Variants in CBFB observed in about 807,000 individuals in gnomAD.
The protein encoded by CBFB is CBF-beta.
In CBFB, 9 loss-of-function variants were observed where a neutral mutation model predicts 30.4. That is an observed-to-expected ratio of 0.30 (90% CI 0.18 to 0.52). The LOEUF (loss-of-function observed/expected upper bound fraction) is 0.52. Ranked by LOEUF, CBFB falls within the 20% of genes least tolerant of loss-of-function variation. The pLI is 0.97. For missense variants in CBFB, 170 were observed against 244.0 expected (o/e 0.70, Z 2.02); for synonymous variants, 94 against 84.0 (o/e 1.12, Z -0.65).
At chr16:67,062,083 A>G (rs1486351354) in intron 3 of CBFB, among the ~76,000 whole-genome samples, 4 of 152,262 alleles carry the variant, frequency 2.6e-5, no homozygotes, top group Non-Finnish European at 4.4e-5. Context: ...AAATTTCCCA[A>G]AACAGATCAT....
chr16:67,072,976 G>T (rs1028299116), intron 4 of CBFB, among the ~76,000 whole-genome samples: 2 of 152,028 alleles, frequency 1.3e-5, no homozygotes, highest in Non-Finnish European at 2.9e-5. Flanking sequence ...GCCTCCCAAA[G>T]CACTAGGATT....
intron 4 of CBFB, 44 bp downstream of exon 4, chr16:67,066,842 C>A: frequency 9.0e-7 from 1 of 1,113,246 alleles, no homozygotes; most frequent in Non-Finnish European, 1.4e-6. Flanking sequence ...CCTTTAGTCC[C>A]TAATCTTGCC....
chr16:67,062,936 A>G (rs1178457398), intron 3 of CBFB, among the ~76,000 whole-genome samples: 7 of 152,190 alleles, frequency 4.6e-5, no homozygotes, highest in African/African-American at 7.2e-5. Context: ...AGATGTCTCC[A>G]TGATTAGAAT....
At chr16:67,050,642 A>C (rs1966724961) in intron 3 of CBFB, among the ~76,000 whole-genome samples, 1 of 151,994 alleles carries the variant, frequency 6.6e-6, no homozygotes, top group East Asian at 1.9e-4. Flanking sequence ...AAAGTTTAAA[A>C]ATTAGCCGGG....
At chr16:67,031,842 G>A (rs1295076327) in intron 2 of CBFB, among the ~76,000 whole-genome samples, 3 of 151,474 alleles carry the variant, frequency 2.0e-5, no homozygotes, top group Non-Finnish European at 2.9e-5. Context: ...TAAGAGAGAG[G>A]TCTTGCTGTG....
chr16:67,041,535 G>A (rs1370746311), intron 3 of CBFB, among the ~76,000 whole-genome samples: 1 of 152,130 alleles, frequency 6.6e-6, no homozygotes, highest in African/African-American at 2.4e-5. Flanking sequence ...CCGGGAAGGG[G>A]AGGTTGCAGT....
intron 5 of CBFB, among the ~76,000 whole-genome samples, chr16:67,096,785 T>C (rs1000107266): frequency 2.0e-5 from 3 of 151,558 alleles, no homozygotes; most frequent in Non-Finnish European, 4.4e-5. Context: ...CCATCCTGGC[T>C]AACACAAAGA....
At chr16:67,071,316 C>A (rs1311304946) in intron 4 of CBFB, among the ~76,000 whole-genome samples, 1 of 152,116 alleles carries the variant, frequency 6.6e-6, no homozygotes. Flanking sequence ...TGTTACTGTA[C>A]TTGAAGATAG....
chr16:67,057,299 A>G (rs898873390), intron 3 of CBFB, among the ~76,000 whole-genome samples: 4 of 152,198 alleles, frequency 2.6e-5, no homozygotes, highest in African/African-American at 4.8e-5. Flanking sequence ...AGGCTTTTTA[A>G]AGGTCAGTGT....
At chr16:67,079,162 A>G (rs1002070415) in intron 4 of CBFB, among the ~76,000 whole-genome samples, 1 of 152,236 alleles carries the variant, frequency 6.6e-6, no homozygotes, top group Non-Finnish European at 1.5e-5. Flanking sequence ...AATAGCATTT[A>G]TTGAATGCTG....
intron 3 of CBFB, among the ~76,000 whole-genome samples, chr16:67,051,233 A>G (rs901521093): frequency 7.9e-5 from 12 of 152,228 alleles, no homozygotes; most frequent in African/African-American, 2.9e-4. Context: ...ACATAGGTAT[A>G]GTAGGACTGA....
At chr16:67,054,241 C>T (rs986839785) in intron 3 of CBFB, among the ~76,000 whole-genome samples, 5 of 151,842 alleles carry the variant, frequency 3.3e-5, no homozygotes, top group African/African-American at 7.3e-5. Context: ...CTTTATTCTA[C>T]GATACTTTAT....
At chr16:67,048,620 A>G (rs1164693226) in intron 3 of CBFB, among the ~76,000 whole-genome samples, 2 of 151,938 alleles carry the variant, frequency 1.3e-5, no homozygotes, top group African/African-American at 2.4e-5. Flanking sequence ...GCATGATCTC[A>G]GCTCACTGCA....
intron 2 of CBFB, among the ~76,000 whole-genome samples, chr16:67,034,143 T>C (rs1040957024): frequency 6.6e-6 from 1 of 152,170 alleles, no homozygotes; most frequent in African/African-American, 2.4e-5. Context: ...TTACCAATTC[T>C]TATGTAGTTA....
intron 2 of CBFB, among the ~76,000 whole-genome samples, chr16:67,035,566 A>G (rs1338088618): frequency 1.3e-5 from 2 of 152,202 alleles, no homozygotes; most frequent in Non-Finnish European, 2.9e-5. Flanking sequence ...TAGGAAGTAT[A>G]ATTTTTACCT....
At chr16:67,091,753 TAAG>T (rs1961888402) in intron 5 of CBFB, among the ~76,000 whole-genome samples, 2 of 152,234 alleles carry the variant, frequency 1.3e-5, no homozygotes, top group African/African-American at 4.8e-5. Context: ...AATTTTACTT[TAAG>T]TTCTGTGATA....
chr16:67,034,333 A>G lies in CBFB; in HGVS notation c.166-2306A>G, dbSNP rs540855231. ...TGCTATTTTATAATTTGTGAAACCT[A>G]CAAAGCATAAGACAACCTGGAAATC... On this transcript the variant is annotated intron_variant, in intron 2 of 5. Coordinates refer to ENST00000412916, the MANE Select transcript of CBFB (RefSeq NM_022845.3). Among the ~76,000 whole-genome samples, 18 of 152,370 alleles carry G rather than the reference A, an allele frequency of 1.2e-4. No homozygotes were observed. In the South Asian group the frequency reaches 2.3e-3, roughly 19 times the overall value.
intron 3 of CBFB, among the ~76,000 whole-genome samples, chr16:67,055,112 G>T (rs1242217337): frequency 6.6e-6 from 1 of 151,966 alleles, no homozygotes; most frequent in Non-Finnish European, 1.5e-5. Flanking sequence ...CAACTGAAGG[G>T]TGAAAGTCAG....
intron 3 of CBFB, among the ~76,000 whole-genome samples, chr16:67,045,363 A>C (rs967085934): frequency 2.6e-5 from 4 of 152,084 alleles, no homozygotes; most frequent in Non-Finnish European, 5.9e-5. Flanking sequence ...TAAAAATACA[A>C]AAAATTAGCC....
Sources: gnomAD v4.1 joint callset for allele counts (sites outside exome capture counted in the v4.1 genomes callset) on GRCh38, gnomAD v4.1.1 for gene constraint, MANE v1.5 for transcripts, NCBI Gene and HGNC (gene_info 2026-07-23, HGNC 2026-07-21) for gene names.